The following CNTNAP2 variants were observed in gnomAD, a reference collection of about 807,000 sequenced individuals.
The protein encoded by CNTNAP2 is contactin associated protein 2, also known as contactin-associated protein-like 2.
Under a neutral mutation model 155.2 loss-of-function variants are expected in CNTNAP2, and 98 were observed. The ratio of observed to expected loss-of-function variants is 0.63; its 90% confidence interval spans 0.54 to 0.75. The LOEUF (loss-of-function observed/expected upper bound fraction) is 0.75. Ranked by LOEUF, CNTNAP2 falls within the 30% of genes least tolerant of loss-of-function variation. The pLI, the probability that CNTNAP2 is intolerant of heterozygous loss-of-function variation, is 0.00. For missense variants in CNTNAP2, 1,727 were observed against 1,688.1 expected (o/e 1.02, Z -0.40); for synonymous variants, 651 against 631.2 (o/e 1.03, Z -0.47).
At chr7:146,391,750 TTTG>T (rs148790995) in intron 1 of CNTNAP2, among the ~76,000 whole-genome samples, 1,503 of 116,720 alleles carry the variant, frequency 0.013, 19 homozygotes, top group African/African-American at 0.049. Flanking sequence ...GAACACGGTT[TTTG>T]TTGTTGTTGT....
intron 1 of CNTNAP2, among the ~76,000 whole-genome samples, chr7:146,697,036 A>G (rs1459458043): frequency 6.6e-6 from 1 of 152,122 alleles, no homozygotes; most frequent in African/African-American, 2.4e-5. Flanking sequence ...TGTTCTGATT[A>G]ACTATGTCTT....
At chr7:147,115,722 A>G (rs1800973076) in intron 5 of CNTNAP2, among the ~76,000 whole-genome samples, 1 of 152,056 alleles carries the variant, frequency 6.6e-6, no homozygotes, top group African/African-American at 2.4e-5. Context: ...TTGTATTACC[A>G]TGATTCTTAG....
At chr7:147,033,166 A>ATATATATATATATATATATATATATATG (rs1563051481) in intron 3 of CNTNAP2, among the ~76,000 whole-genome samples, 1 of 27,936 alleles carries the variant, frequency 3.6e-5, no homozygotes, top group Non-Finnish European at 7.8e-5. Context: ...ATATGTATAT[A>ATATATATATATATATATATATATATATG]TATATATATA....
intron 12 of CNTNAP2, among the ~76,000 whole-genome samples, chr7:147,592,236 TGATTA>T (rs1418707477): frequency 1.3e-5 from 2 of 152,172 alleles, no homozygotes; most frequent in African/African-American, 4.8e-5. Flanking sequence ...GGAATAAAAA[TGATTA>T]GATAGAAGAA....
chr7:146,243,851 A>G (rs1799600721), intron 1 of CNTNAP2, among the ~76,000 whole-genome samples: 1 of 152,160 alleles, frequency 6.6e-6, no homozygotes, highest in Non-Finnish European at 1.5e-5. Context: ...AGAAAAATAA[A>G]ACGAAATAGT....
intron 3 of CNTNAP2, among the ~76,000 whole-genome samples, chr7:147,031,142 T>C (rs888145760): frequency 2.6e-5 from 4 of 152,294 alleles, no homozygotes; most frequent in Non-Finnish European, 5.9e-5. Context: ...TCTGTTTGTC[T>C]AAATATTTAT....
In CNTNAP2 at chr7:147,977,845, C is replaced by G. The variant is rs751291415; in HGVS notation, c.2256-17C>G. 1 of 1,613,972 alleles carries G rather than the reference C, an allele frequency of 6.2e-7. No individual in the cohort carries two copies. Among genetic ancestry groups the G allele is most frequent in the Admixed American group, 1.7e-5 (1 of 60,014 alleles). ...TGCAGCCTCCTCATTCTTTTTCTGT[C>G]TTTCCCTGTGATCCAGGAGGAAGGA... On this transcript the variant is annotated splice_polypyrimidine_tract_variant and intron_variant, in intron 14 of 23. Coordinates refer to ENST00000361727, the MANE Select transcript of CNTNAP2 (RefSeq NM_014141.6).
intron 4 of CNTNAP2, among the ~76,000 whole-genome samples, chr7:147,050,753 G>A (rs1055462668): frequency 1.3e-5 from 2 of 152,130 alleles, no homozygotes; most frequent in Non-Finnish European, 2.9e-5. Context: ...ATCTTAAGAT[G>A]AAATTTAAGA....
chr7:147,805,410 C>T (rs1351824310), intron 13 of CNTNAP2, among the ~76,000 whole-genome samples: 1 of 152,158 alleles, frequency 6.6e-6, no homozygotes, highest in African/African-American at 2.4e-5. Flanking sequence ...TTTGGATGAG[C>T]TTTATTTCTT....
chr7:146,321,606 G>A (rs2129092568), intron 1 of CNTNAP2, among the ~76,000 whole-genome samples: 1 of 152,280 alleles, frequency 6.6e-6, no homozygotes, highest in South Asian at 2.1e-4. Flanking sequence ...AAAAACAGAA[G>A]AGAATGGAGT....
chr7:147,674,910 CT>C (rs144871233), intron 13 of CNTNAP2, among the ~76,000 whole-genome samples: 2,796 of 149,144 alleles, frequency 0.019, 84 homozygotes, highest in African/African-American at 0.064. Context: ...ATGATCAGCT[CT>C]TTTTTTTTTC....
intron 20 of CNTNAP2, among the ~76,000 whole-genome samples, chr7:148,245,824 C>G (rs1436948821): frequency 6.6e-6 from 1 of 152,166 alleles, no homozygotes; most frequent in African/African-American, 2.4e-5. Flanking sequence ...AATGAGCACT[C>G]GTACAGGGCC....
intron 1 of CNTNAP2, among the ~76,000 whole-genome samples, chr7:146,591,738 A>G (rs1388477550): frequency 6.6e-6 from 1 of 151,432 alleles, no homozygotes; most frequent in Non-Finnish European, 1.5e-5. Context: ...TGTCCATCTA[A>G]TTCTTTGTGG....
At chr7:146,574,336 C>T (rs1798489391) in intron 1 of CNTNAP2, among the ~76,000 whole-genome samples, 1 of 152,134 alleles carries the variant, frequency 6.6e-6, no homozygotes, top group African/African-American at 2.4e-5. Context: ...TCTAACAATT[C>T]CATTTTTGAC....
At chr7:147,310,202 C>T (rs1294932984) in intron 9 of CNTNAP2, among the ~76,000 whole-genome samples, 2 of 151,946 alleles carry the variant, frequency 1.3e-5, no homozygotes, top group South Asian at 4.1e-4. Flanking sequence ...ATTCTACATG[C>T]CTTTGCCTTT....
chr7:147,189,799 C>T (rs548312517), intron 8 of CNTNAP2, among the ~76,000 whole-genome samples: 2 of 152,226 alleles, frequency 1.3e-5, no homozygotes, highest in South Asian at 4.1e-4. Context: ...GGCTGGAGTG[C>T]AGTGGCGCGA....
intron 1 of CNTNAP2, among the ~76,000 whole-genome samples, chr7:146,644,154 T>C (rs994234240): frequency 5.3e-5 from 8 of 152,178 alleles, no homozygotes; most frequent in Non-Finnish European, 1.2e-4. Context: ...ACCCTTTATT[T>C]CCTTCTCCTG....
At chr7:147,626,102 T>A (rs1467832032) in intron 12 of CNTNAP2, among the ~76,000 whole-genome samples, 1 of 151,998 alleles carries the variant, frequency 6.6e-6, no homozygotes, top group Non-Finnish European at 1.5e-5. Context: ...GTAGTCACAG[T>A]GCAAAGGAAA....
In CNTNAP2 at chr7:148,215,545, A is replaced by T. The variant is rs1236647033; in HGVS notation, c.3011-1743A>T. Reference sequence around the variant, plus strand: ...TTTTTTTTTTAACATTAGTGACTTCATTTTGATTCTGACAACTTTCACACA... The same window carrying T: ...TTTTTTTTTTAACATTAGTGACTTCTTTTTGATTCTGACAACTTTCACACA... On this transcript the variant is annotated intron_variant, in intron 18 of 23. Transcript: ENST00000361727. 5.0e-5 allele frequency among the ~76,000 whole-genome samples: 7 copies of T among 140,344 alleles called. No homozygotes were observed. The East Asian group carries it at 1.4e-3, about 29-fold the overall frequency. 92.1% of individuals were successfully genotyped at this position (140,344 alleles called of 152,430 possible). A position where few individuals can be genotyped will look rare whatever the true frequency, so the allele number is the denominator to read the frequency against.
Sources: allele counts gnomAD v4.1 joint callset (sites outside exome capture counted in the v4.1 genomes callset), GRCh38; gene constraint gnomAD v4.1.1; transcripts MANE v1.5; gene names NCBI Gene and HGNC (gene_info 2026-07-23, HGNC 2026-07-21).